The following FAM149B1 variants were observed in gnomAD, a reference collection of about 807,000 sequenced individuals.
FAM149B1 encodes the protein family with sequence similarity 149 member B1, also known as primary cilium assembly protein FAM149B1.
Under a neutral mutation model 75.3 loss-of-function variants are expected in FAM149B1, and 56 were observed. The ratio of observed to expected loss-of-function variants is 0.74; its 90% CI spans 0.60 to 0.93. FAM149B1 has a LOEUF of 0.93. Among genes scored for constraint, FAM149B1 ranks in the 40% least tolerant of loss-of-function variants. The pLI, the probability that FAM149B1 is intolerant of heterozygous loss-of-function variation, is 0.00. For missense variants in FAM149B1, 639 were observed against 708.4 expected, an observed-to-expected ratio of 0.90 and a Z score of 1.11; for synonymous variants, 259 against 256.1, an observed-to-expected ratio of 1.01 and a Z score of -0.11.
At chr10:73,230,556 G>A (rs751907996) in intron 9 of FAM149B1, 31 bp downstream of exon 9, 23 of 1,223,602 alleles carry the variant, frequency 1.9e-5, no homozygotes, top group Non-Finnish European at 2.6e-5. Flanking sequence ...AGACTATACA[G>A]TGTAAAAGGG....
In FAM149B1 at chr10:73,223,340, T is replaced by G. The variant is rs559583433; in HGVS notation, c.899-4720T>G. 5.9e-5 allele frequency among the ~76,000 whole-genome samples: 9 copies of G among 152,334 alleles called. No homozygotes were observed. In the South Asian group the frequency reaches 1.9e-3, roughly 32 times the overall value. On this transcript the variant is annotated intron_variant, in intron 7 of 13. Coordinates refer to ENST00000242505, the MANE Select transcript of FAM149B1 (RefSeq NM_173348.2). Reference sequence around the variant, plus strand: ...TATACCCTTATGCATCTGGCTTCTTTTATTCAATATTATATTTGTTAAATT... The same window carrying G: ...TATACCCTTATGCATCTGGCTTCTTGTATTCAATATTATATTTGTTAAATT...
intron 8 of FAM149B1, 120 bp downstream of exon 8, chr10:73,228,304 G>A: frequency 1.3e-6 from 1 of 770,192 alleles, no homozygotes; most frequent in Non-Finnish European, 2.1e-6. Context: ...ACAGTTATGT[G>A]TTTATCATAA....
rs1291883696 is a variant in FAM149B1 at position 73,210,288 on chromosome 10, A to G, written c.748A>G (p.Thr250Ala). Reference protein sequence around the residue: ...GFHGKKSEAATEKQKLGYPPI... With the variant: ...GFHGKKSEAAAEKQKLGYPPI... Reference sequence around the variant, plus strand: ...TCATGGGAAGAAATCAGAAGCAGCTACAGAGAAACAGAAATTAGGGTATCC... The same window carrying G: ...TCATGGGAAGAAATCAGAAGCAGCTGCAGAGAAACAGAAATTAGGGTATCC... Residue 250 changes from threonine (T) to alanine (A), a missense_variant, in exon 7 of 14, where the codon ACA becomes GCA. Physicochemically the swap from Thr to Ala is moderately conservative, Grantham distance 58. Transcript: ENST00000242505. 6.4e-7 allele frequency: 1 copy of G among 1,551,510 alleles called. No homozygotes were observed. Among genetic ancestry groups the G allele is most frequent in the Non-Finnish European group, 8.7e-7 (1 of 1,146,628 alleles).
At chr10:73,171,133 T>C (rs932542154) in intron 1 of FAM149B1, among the ~76,000 whole-genome samples, 55 of 152,190 alleles carry the variant, frequency 3.6e-4, no homozygotes, top group South Asian at 4.1e-4. Flanking sequence ...TTTGTATTTT[T>C]AGTAGAGATG....
At chr10:73,211,739 T>A (rs1338336185) in intron 7 of FAM149B1, among the ~76,000 whole-genome samples, 2 of 151,434 alleles carry the variant, frequency 1.3e-5, no homozygotes, top group African/African-American at 4.9e-5. Flanking sequence ...TAAAGCATAA[T>A]AGATATATAA....
At chr10:73,174,481 T>C (rs772699334) in intron 1 of FAM149B1, among the ~76,000 whole-genome samples, 20 of 152,230 alleles carry the variant, frequency 1.3e-4, no homozygotes, top group Non-Finnish European at 2.6e-4. Flanking sequence ...AGATAATAAA[T>C]GAAGTATTGC....
chr10:73,186,179 G>T (rs1432220843), intron 3 of FAM149B1, among the ~76,000 whole-genome samples: 1 of 151,842 alleles, frequency 6.6e-6, no homozygotes. Flanking sequence ...GTGAAAAAAA[G>T]AAAAACAACT....
At chr10:73,200,635 G>A in intron 5 of FAM149B1, 3 of 609,300 alleles carry the variant, frequency 4.9e-6, no homozygotes, top group Non-Finnish European at 8.5e-6. Context: ...CAAGTATTTA[G>A]GTTGTGTTGC....
chr10:73,202,419 A>G (rs1402239420), intron 5 of FAM149B1, among the ~76,000 whole-genome samples: 1 of 151,990 alleles, frequency 6.6e-6, no homozygotes, highest in Non-Finnish European at 1.5e-5. Flanking sequence ...AGAATAACGT[A>G]ATGGAATGTT....
chr10:73,187,991 G>A (rs1248288857), intron 3 of FAM149B1, among the ~76,000 whole-genome samples: 1 of 152,066 alleles, frequency 6.6e-6, no homozygotes, highest in Non-Finnish European at 1.5e-5. Context: ...GCTGAGGCAG[G>A]AGAATCACTT....
Position 73,228,110 on chromosome 10 carries a change from G to A in FAM149B1, c.949G>A (p.Val317Met), listed in dbSNP as rs1161561308. 6.4e-7 allele frequency: 1 copy of A among 1,551,334 alleles called. No homozygotes were observed. The highest frequency in any genetic ancestry group is 1.4e-5 in the African/African-American group (1 of 73,112). Reference protein sequence around the residue: ...VTRPDSESSCVLSELHPLVLP... With the variant: ...VTRPDSESSCMLSELHPLVLP... ...CAGACCCGATTCAGAAAGTTCCTGTGTGCTGAGTGAACTACATCCTTTGGT... is the reference window on the plus strand; with the variant it reads ...CAGACCCGATTCAGAAAGTTCCTGTATGCTGAGTGAACTACATCCTTTGGT... The change falls in exon 8 of 14, where the codon GTG (valine) becomes ATG (methionine). Residue 317 changes from valine (V) to methionine (M), a missense_variant. Coordinates refer to ENST00000242505, the MANE Select transcript of FAM149B1 (RefSeq NM_173348.2).
intron 3 of FAM149B1, among the ~76,000 whole-genome samples, chr10:73,188,203 A>G (rs2042579281): frequency 6.6e-6 from 1 of 152,218 alleles, no homozygotes; most frequent in Non-Finnish European, 1.5e-5. Context: ...ATTTTTGACA[A>G]AGGTACAAAG....
chr10:73,211,394 CA>C (rs150491354), intron 7 of FAM149B1, among the ~76,000 whole-genome samples: 1 of 150,638 alleles, frequency 6.6e-6, no homozygotes, highest in Admixed American at 6.6e-5. Flanking sequence ...CATTAGCATA[CA>C]AAAAAAAACA....
chr10:73,219,385 T>C (rs920571269), intron 7 of FAM149B1, among the ~76,000 whole-genome samples: 2 of 152,198 alleles, frequency 1.3e-5, no homozygotes, highest in Non-Finnish European at 1.5e-5. Flanking sequence ...GCTGCCTTTT[T>C]TTGTAGAAAT....
chr10:73,175,908 C>T (rs1843943744), intron 2 of FAM149B1, among the ~76,000 whole-genome samples: 1 of 152,018 alleles, frequency 6.6e-6, no homozygotes. Context: ...CTTTTTGGCA[C>T]CAGGGACCAG....
intron 3 of FAM149B1, among the ~76,000 whole-genome samples, chr10:73,178,354 G>A (rs1406789231): frequency 6.6e-6 from 1 of 152,174 alleles, no homozygotes; most frequent in Non-Finnish European, 1.5e-5. Context: ...AGCCGGGTGT[G>A]GTGGTGCATG....
chr10:73,241,067 G>GGATTGCTTGAGGCCAGGAGCTC lies in FAM149B1; in HGVS notation c.*48_*49insGATTGCTTGAGGCCAGGAGCTC. On this transcript the variant is annotated 3_prime_UTR_variant, in exon 14 of 14. Coordinates refer to ENST00000242505, the MANE Select transcript of FAM149B1 (RefSeq NM_173348.2). ...GGCTGCAGGAAACACGAGATTTCAT[G>GGATTGCTTGAGGCCAGGAGCTC]AAGCAGTATTCAGTCATCAAGTGAT... 9.5e-7 allele frequency: 1 copy of GGATTGCTTGAGGCCAGGAGCTC among 1,055,008 alleles called. No individual in the cohort carries two copies. Among genetic ancestry groups the GGATTGCTTGAGGCCAGGAGCTC allele is most frequent in the Non-Finnish European group, 1.4e-6 (1 of 697,882 alleles). 65.4% of individuals were successfully genotyped at this position (1,055,008 alleles called of 1,614,324 possible).
At chr10:73,182,448 G>A (rs1382418206) in intron 3 of FAM149B1, among the ~76,000 whole-genome samples, 2 of 152,154 alleles carry the variant, frequency 1.3e-5, no homozygotes. Context: ...CTGACCTCAA[G>A]TGATCTGCCC....
rs184775311 is a variant in FAM149B1 at position 73,204,878 on chromosome 10, C to T, written c.543-3741C>T. Among the ~76,000 whole-genome samples, 284 of 133,786 alleles carry T rather than the reference C, an allele frequency of 2.1e-3. 3 individuals carry two copies. The highest frequency in any genetic ancestry group is 7.3e-3 in the African/African-American group (262 of 36,024). The allele number at this position is 133,786 out of a possible 152,430, so 87.8% of individuals were successfully genotyped here. On this transcript the variant is annotated intron_variant, in intron 5 of 13. Coordinates refer to ENST00000242505, the MANE Select transcript of FAM149B1 (RefSeq NM_173348.2). ...CTGCAAGCTGTGCCTCCTGGGTTCA[C>T]GCCATTTTCCTGCCTCAGCCTCCCA...
Sources: allele counts gnomAD v4.1 joint callset (sites outside exome capture counted in the v4.1 genomes callset), GRCh38; gene constraint gnomAD v4.1.1; transcripts MANE v1.5; gene names NCBI Gene and HGNC (gene_info 2026-07-23, HGNC 2026-07-21).